Variants in SLC16A14 observed in about 807,000 individuals in gnomAD.
SLC16A14 encodes monocarboxylate transporter 14.
In SLC16A14, 14 loss-of-function variants were observed where a neutral mutation model predicts 35.8. The ratio of observed to expected loss-of-function variants is 0.39; its 90% CI spans 0.26 to 0.61. The LOEUF (loss-of-function observed/expected upper bound fraction) is 0.61, where lower values mean the gene tolerates loss of function less well. Ranked by LOEUF, SLC16A14 falls within the 20% of genes least tolerant of loss-of-function variation. The pLI, the probability that SLC16A14 is intolerant of heterozygous loss-of-function variation, is 0.51. For missense variants in SLC16A14, 533 were observed against 655.0 expected (o/e 0.81, Z 2.03); for synonymous variants, 248 against 258.9 (o/e 0.96, Z 0.40).
In SLC16A14 at chr2:230,059,136, C is replaced by A. The variant is rs202122599; in HGVS notation, c.217G>T (p.Ala73Ser). ...EEFHQSRGLTAWVSSLSMGIT... is the reference protein window; with the variant it reads ...EEFHQSRGLTSWVSSLSMGIT... ...CCCATGCTGAGGGAGCTGACCCAGG[C>A]GGTCAGGCCGCGGCTCTGGTGGAAT... The change falls in exon 2 of 5, where the codon GCC (alanine) becomes TCC (serine). Residue 73 changes from alanine to serine, a missense_variant. Transcript: ENST00000295190. 1 of 1,613,868 alleles carries A rather than the reference C, an allele frequency of 6.2e-7. No individual in the cohort carries two copies. Among genetic ancestry groups the A allele is most frequent in the African/African-American group, 1.3e-5 (1 of 74,936 alleles).
intron 4 of SLC16A14, among the ~76,000 whole-genome samples, chr2:230,045,114 G>A (rs1452383914): frequency 6.6e-6 from 1 of 152,118 alleles, no homozygotes; most frequent in African/African-American, 2.4e-5. Context: ...AAATCAGCTG[G>A]AACTGCCCAG....
intron 4 of SLC16A14, among the ~76,000 whole-genome samples, chr2:230,044,704 T>G (rs1577385620): frequency 2.3e-5 from 3 of 132,542 alleles, no homozygotes; most frequent in Admixed American, 7.5e-5. Flanking sequence ...AAGTCTGTAT[T>G]TGTGTGTGTG....
chr2:230,046,716 C>T lies in SLC16A14; in HGVS notation c.410G>A (p.Gly137Asp). The T allele has an allele frequency of 6.3e-7, 1 of 1,598,870 alleles. No homozygotes were observed. The highest frequency in any genetic ancestry group is 8.5e-7 in the Non-Finnish European group (1 of 1,179,382). The change falls in exon 4 of 5, where the codon GGC becomes GAC. Residue 137 changes from glycine (G) to aspartate (D), a missense_variant. Transcript: ENST00000295190. The surrounding 1 kb of genome is among the most constrained non-coding windows in gnomAD (Gnocchi z 5.0). The stretch of plus-strand genomic sequence containing the variant: ...CGCTGGCAGGTAGGCCATCCCGCTG[C>T]CCAGGCCTGTACAGGCCGACGGGGG... Reference protein sequence around the residue: ...FITFGVAAGLGSGMAYLPAVV... With the variant: ...FITFGVAAGLDSGMAYLPAVV...
At chr2:230,056,502 C>G (rs553902192) in intron 2 of SLC16A14, among the ~76,000 whole-genome samples, 1 of 152,030 alleles carries the variant, frequency 6.6e-6, no homozygotes, top group South Asian at 2.1e-4. Flanking sequence ...GTGATCCGCT[C>G]GCCTCAGCCT....
intron 1 of SLC16A14, among the ~76,000 whole-genome samples, chr2:230,061,347 A>G (rs923781498): frequency 2.6e-5 from 4 of 152,218 alleles, no homozygotes; most frequent in Non-Finnish European, 5.9e-5. Flanking sequence ...TGTATTCTAC[A>G]TGGAAGTTAT....
rs550523408 is a variant in SLC16A14, at chr2:230,068,900, G to C, written c.-360C>G. The C allele has an allele frequency of 6.6e-6, 1 of 152,194 alleles. No individual in the cohort carries two copies. The highest frequency in any genetic ancestry group is 2.4e-5 in the African/African-American group (1 of 41,428). 9.4% of individuals were successfully genotyped at this position (152,194 alleles called of 1,614,324 possible). A position where few individuals can be genotyped will look rare whatever the true frequency, so the allele number is the denominator to read the frequency against. On this transcript the variant is annotated 5_prime_UTR_variant, in exon 1 of 5. Transcript: ENST00000295190. This position sits in a 1 kb window ranked among gnomAD's most constrained non-coding sequence, Gnocchi z 5.1. The stretch of plus-strand genomic sequence containing the variant: ...GGAGCAATTTCAAATCTTCATGCTC[G>C]TTCATTCCTATACCGGCTAATTCTG...
At chr2:230,049,716 T>G in intron 3 of SLC16A14, 45 bp downstream of exon 3, 1 of 1,598,806 alleles carries the variant, frequency 6.3e-7, no homozygotes, top group East Asian at 2.2e-5. Flanking sequence ...CCAAGATGTC[T>G]TATAAAACAT....
chr2:230,066,957 A>G (rs2077801578), intron 1 of SLC16A14: 1 of 210,530 alleles, frequency 4.7e-6, no homozygotes, highest in East Asian at 1.7e-4. Flanking sequence ...GGCTATTGTT[A>G]TTACATTGCA....
chr2:230,041,123 G>A (rs914808918), intron 4 of SLC16A14, among the ~76,000 whole-genome samples: 3 of 152,136 alleles, frequency 2.0e-5, no homozygotes, highest in Admixed American at 6.5e-5. Context: ...ATTTGAGTCT[G>A]TCAAATAAGT....
chr2:230,056,181 C>T (rs75886306), intron 2 of SLC16A14, among the ~76,000 whole-genome samples: 3 of 152,140 alleles, frequency 2.0e-5, no homozygotes, highest in African/African-American at 7.2e-5. Flanking sequence ...ACACATGTGC[C>T]ACACAACTTG....
At chr2:230,063,500 T>G (rs1014958948) in intron 1 of SLC16A14, among the ~76,000 whole-genome samples, 4 of 152,090 alleles carry the variant, frequency 2.6e-5, no homozygotes, top group Admixed American at 2.0e-4. Context: ...AAAAAGACCC[T>G]GAAAACATCT....
intron 2 of SLC16A14, 60 bp from the exon 3 acceptor site, chr2:230,049,964 T>A: frequency 6.4e-7 from 1 of 1,573,850 alleles, no homozygotes; most frequent in South Asian, 1.1e-5. Context: ...TTCTTTCTCA[T>A]AAATCTTCAT....
chr2:230,039,906 T>C lies in SLC16A14; in HGVS notation c.1382-2375A>G, dbSNP rs527382249. Among the ~76,000 whole-genome samples the C allele has an allele frequency of 1.2e-3, 184 of 152,268 alleles. 1 individual carries two copies. Among genetic ancestry groups the C allele is most frequent in the Non-Finnish European group, 2.2e-3 (152 of 68,014 alleles). The stretch of plus-strand genomic sequence containing the variant: ...ATTAAGCTGTATTTCGTTCAGACTA[T>C]TTATTTACGTTTTGGTGGAAGTGGT... On this transcript the variant is annotated intron_variant, in intron 4 of 4. Transcript: ENST00000295190.
intron 3 of SLC16A14, among the ~76,000 whole-genome samples, chr2:230,047,795 A>G (rs568236703): frequency 1.8e-4 from 28 of 152,378 alleles, no homozygotes; most frequent in African/African-American, 6.7e-4. Flanking sequence ...CAATCATTCT[A>G]CAATATATAC....
intron 4 of SLC16A14, among the ~76,000 whole-genome samples, chr2:230,043,812 T>C (rs2077579051): frequency 6.6e-6 from 1 of 152,252 alleles, no homozygotes; most frequent in Non-Finnish European, 1.5e-5. Flanking sequence ...TCTTGGGGCA[T>C]GAGTCTATCT....
rs10203083 is a variant in SLC16A14, at chr2:230,046,892, G to A, written c.404-170C>T. On this transcript the variant is annotated intron_variant, in intron 3 of 4. Transcript: ENST00000295190. This position sits in a 1 kb window ranked among gnomAD's most constrained non-coding sequence, Gnocchi z 5.0. ...AAAAAGCAGCTCCCAGGGATAAGCAGCAGAAAGACCATCCACCCAAGCAGG... is the reference window on the plus strand; with the variant it reads ...AAAAAGCAGCTCCCAGGGATAAGCAACAGAAAGACCATCCACCCAAGCAGG... Among the ~76,000 whole-genome samples, 3,690 of 152,300 alleles carry A rather than the reference G, an allele frequency of 0.024. 140 individuals are homozygous for A. Among genetic ancestry groups the A allele is most frequent in the African/African-American group, 0.083 (3,443 of 41,554 alleles).
At chr2:230,039,601 G>A (rs146529244) in intron 4 of SLC16A14, among the ~76,000 whole-genome samples, 139 of 152,294 alleles carry the variant, frequency 9.1e-4, no homozygotes, top group Admixed American at 2.2e-3. Flanking sequence ...ATCTGTATCT[G>A]CAGAATACAT....
intron 4 of SLC16A14, chr2:230,045,536 G>C: frequency 1.7e-6 from 1 of 582,056 alleles, no homozygotes; most frequent in East Asian, 3.1e-5. Context: ...CTCCAGCTGG[G>C]GCGATAGAGC....
intron 1 of SLC16A14, among the ~76,000 whole-genome samples, chr2:230,064,170 A>G (rs2077773024): frequency 6.6e-6 from 1 of 152,122 alleles, no homozygotes; most frequent in East Asian, 1.9e-4. Context: ...CCTTTAAAAT[A>G]TTGTCTGGAT....
Sources: gnomAD v4.1 joint callset for allele counts (sites outside exome capture counted in the v4.1 genomes callset) on GRCh38, gnomAD v4.1.1 for gene constraint, Gnocchi (gnomAD v3.1) non-coding constraint, MANE v1.5 for transcripts, NCBI Gene and HGNC (gene_info 2026-07-23, HGNC 2026-07-21) for gene names.